The following UST variants were observed in gnomAD, a reference collection of about 807,000 sequenced individuals.
UST encodes chondroitin sulfate 2-O-sulfotransferase.
UST carries 21 observed loss-of-function variants against 45.6 expected under a neutral mutation model. That is an observed-to-expected ratio of 0.46 (90% CI 0.33 to 0.66). The LOEUF (loss-of-function observed/expected upper bound fraction) is 0.66. Ranked by LOEUF, UST falls within the 30% of genes least tolerant of loss-of-function variation. UST has a pLI of 0.02. For missense variants in UST, 463 were observed against 512.4 expected, an observed-to-expected ratio of 0.90 and a Z score of 0.93; for synonymous variants, 215 against 200.6, an observed-to-expected ratio of 1.07 and a Z score of -0.61.
At chr6:148,960,227 T>G (rs1780623042) in intron 4 of UST, among the ~76,000 whole-genome samples, 1 of 152,094 alleles carries the variant, frequency 6.6e-6, no homozygotes, top group South Asian at 2.1e-4. Flanking sequence ...AGGCAGATGT[T>G]GCAGTAAGCC....
chr6:149,032,836 A>G (rs1016570881), intron 7 of UST, among the ~76,000 whole-genome samples: 2 of 152,168 alleles, frequency 1.3e-5, no homozygotes, highest in African/African-American at 4.8e-5. Context: ...AAAGCTGGCT[A>G]ATAATATCTG....
At chr6:148,853,735 T>C (rs932857903) in intron 1 of UST, among the ~76,000 whole-genome samples, 3 of 152,236 alleles carry the variant, frequency 2.0e-5, no homozygotes, top group Admixed American at 1.3e-4. Context: ...TTTTTTCATA[T>C]GTTTGGTTGG....
intron 1 of UST, among the ~76,000 whole-genome samples, chr6:148,880,212 C>T (rs1778798816): frequency 6.6e-6 from 1 of 152,190 alleles, no homozygotes; most frequent in South Asian, 2.1e-4. Flanking sequence ...ACCTCAGCTT[C>T]TCAAAGTGCT....
At chr6:148,753,665 T>A (rs895415924) in intron 1 of UST, among the ~76,000 whole-genome samples, 1 of 152,200 alleles carries the variant, frequency 6.6e-6, no homozygotes, top group African/African-American at 2.4e-5. Flanking sequence ...TTTCAACACC[T>A]GTTTTCTGTT....
At chr6:148,858,910 TG>T (rs1778255569) in intron 1 of UST, among the ~76,000 whole-genome samples, 1 of 152,200 alleles carries the variant, frequency 6.6e-6, no homozygotes, top group Non-Finnish European at 1.5e-5. Flanking sequence ...GATGGACATT[TG>T]GGTTGGTTCC....
At chr6:149,020,204 T>G (rs1346952736) in intron 6 of UST, among the ~76,000 whole-genome samples, 1 of 152,240 alleles carries the variant, frequency 6.6e-6, no homozygotes, top group Non-Finnish European at 1.5e-5. Flanking sequence ...CTGTCTTGTT[T>G]CATTTGCCAT....
At chr6:149,072,745 AG>A (rs1319123994) in intron 7 of UST, among the ~76,000 whole-genome samples, 1 of 152,218 alleles carries the variant, frequency 6.6e-6, no homozygotes, top group East Asian at 1.9e-4. Context: ...AGACAAAAAA[AG>A]GACAAATATT....
intron 1 of UST, among the ~76,000 whole-genome samples, chr6:148,873,151 T>C (rs1778589588): frequency 6.6e-6 from 1 of 152,206 alleles, no homozygotes; most frequent in Non-Finnish European, 1.5e-5. Flanking sequence ...TGTGAATGGA[T>C]TTCTAATCCA....
chr6:148,778,217 C>G (rs532463972), intron 1 of UST, among the ~76,000 whole-genome samples: 12 of 152,190 alleles, frequency 7.9e-5, no homozygotes, highest in Non-Finnish European at 1.6e-4. Context: ...CCTCCTTTCC[C>G]ATAAGGATTT....
At chr6:148,936,798 C>T (rs901419600) in intron 2 of UST, among the ~76,000 whole-genome samples, 2 of 152,038 alleles carry the variant, frequency 1.3e-5, no homozygotes, top group South Asian at 2.1e-4. Context: ...CGGCTTCAAG[C>T]GATTCTCCTG....
intron 5 of UST, among the ~76,000 whole-genome samples, chr6:148,978,863 C>A (rs1781075887): frequency 6.6e-6 from 1 of 152,042 alleles, no homozygotes; most frequent in Non-Finnish European, 1.5e-5. Flanking sequence ...AAATTGGTTT[C>A]TCATAGAAGT....
chr6:148,961,687 G>A (rs562779099), intron 4 of UST, among the ~76,000 whole-genome samples: 1 of 152,206 alleles, frequency 6.6e-6, no homozygotes, highest in Non-Finnish European at 1.5e-5. Flanking sequence ...TTCACAGGGA[G>A]GTTGTGGAAT....
intron 1 of UST, among the ~76,000 whole-genome samples, chr6:148,803,009 G>T (rs1777080383): frequency 6.6e-6 from 1 of 152,100 alleles, no homozygotes; most frequent in African/African-American, 2.4e-5. Flanking sequence ...GTGATGGTAT[G>T]AACATTTTTA....
At chr6:149,062,550 C>A (rs1776669267) in intron 7 of UST, among the ~76,000 whole-genome samples, 1 of 152,170 alleles carries the variant, frequency 6.6e-6, no homozygotes, top group Admixed American at 6.5e-5. Flanking sequence ...TTCACCAGAT[C>A]CTCCCAGACT....
At chr6:148,888,574 G>A (rs1443081375) in intron 2 of UST, among the ~76,000 whole-genome samples, 1 of 152,190 alleles carries the variant, frequency 6.6e-6, no homozygotes, top group African/African-American at 2.4e-5. Flanking sequence ...ACCGCTTACA[G>A]CACAGGATGC....
chr6:148,905,651 G>A (rs1427796513), intron 2 of UST, among the ~76,000 whole-genome samples: 1 of 152,232 alleles, frequency 6.6e-6, no homozygotes, highest in Admixed American at 6.5e-5. Flanking sequence ...AACAACAGAA[G>A]GAGACCCAGG....
intron 1 of UST, among the ~76,000 whole-genome samples, chr6:148,874,123 G>A (rs1418896184): frequency 6.6e-6 from 1 of 152,200 alleles, no homozygotes; most frequent in Admixed American, 6.5e-5. Flanking sequence ...TACTTCAAAT[G>A]GAATGAAACA....
intron 5 of UST, among the ~76,000 whole-genome samples, chr6:149,008,850 T>C (rs1775758464): frequency 6.6e-6 from 1 of 152,196 alleles, no homozygotes; most frequent in Non-Finnish European, 1.5e-5. Flanking sequence ...CCTCCCAACC[T>C]GGCCATTAAA....
At chr6:149,036,044 C>T (rs1262460418) in intron 7 of UST, among the ~76,000 whole-genome samples, 1 of 152,204 alleles carries the variant, frequency 6.6e-6, no homozygotes, top group Admixed American at 6.5e-5. Context: ...TGAAGGTTCT[C>T]ACTGAATGCA....
Sources: allele counts gnomAD v4.1 joint callset (sites outside exome capture counted in the v4.1 genomes callset), GRCh38; gene constraint gnomAD v4.1.1; transcripts MANE v1.5; gene names NCBI Gene and HGNC (gene_info 2026-07-23, HGNC 2026-07-21).